The following ATP2C2 variants were observed in gnomAD, a reference collection of about 807,000 sequenced individuals.
ATP2C2 encodes the protein calcium-transporting ATPase type 2C member 2.
ATP2C2 carries 171 observed loss-of-function variants against 110.8 expected under a neutral mutation model. That is an observed-to-expected ratio of 1.54 (90% CI 1.36 to 1.75). The LOEUF (loss-of-function observed/expected upper bound fraction) is 1.75. Among genes scored for constraint, ATP2C2 ranks in the 40% most tolerant of loss-of-function variants. The pLI, the probability that ATP2C2 is intolerant of heterozygous loss-of-function variation, is 0.00. For synonymous variants in ATP2C2, 804 were observed against 508.4 expected, an observed-to-expected ratio of 1.58 and a Z score of -7.82; for missense variants, 1,963 against 1,235.0, an observed-to-expected ratio of 1.59 and a Z score of -8.84.
intron 16 of ATP2C2, among the ~76,000 whole-genome samples, chr16:84,446,671 G>A (rs1027209727): frequency 6.6e-6 from 1 of 152,144 alleles, no homozygotes; most frequent in East Asian, 1.9e-4. Flanking sequence ...TTGTTACCAC[G>A]CGAGACTTTA....
At chr16:84,385,472 T>C (rs9630649) in intron 1 of ATP2C2, among the ~76,000 whole-genome samples, 27,701 of 152,018 alleles carry the variant, frequency 0.18, 2,690 homozygotes, top group South Asian at 0.29. Flanking sequence ...CATCATTCTC[T>C]CTCATTTAAC....
In ATP2C2 at chr16:84,447,987, A is replaced by G. The variant is rs570334172; in HGVS notation, c.1504-546A>G. ...TGTCCGGTATTGAGGCTAGGGGTACAGTGTGACTCTCACTGACCCAGGGCC... is the reference window on the plus strand; with the variant it reads ...TGTCCGGTATTGAGGCTAGGGGTACGGTGTGACTCTCACTGACCCAGGGCC... On this transcript the variant is annotated intron_variant, in intron 16 of 26. Transcript: ENST00000262429. Among the ~76,000 whole-genome samples, 7 of 152,156 alleles carry G rather than the reference A, an allele frequency of 4.6e-5. No homozygotes were observed. In the South Asian group the frequency reaches 1.4e-3, roughly 32 times the overall value.
chr16:84,399,839 C>T (rs927590498), intron 2 of ATP2C2, among the ~76,000 whole-genome samples: 1 of 152,166 alleles, frequency 6.6e-6, no homozygotes, highest in African/African-American at 2.4e-5. Context: ...CCCTGTCATG[C>T]CAGCAAATAC....
At chr16:84,412,074 A>C (rs1040952330) in intron 6 of ATP2C2, among the ~76,000 whole-genome samples, 1 of 151,074 alleles carries the variant, frequency 6.6e-6, no homozygotes, top group Non-Finnish European at 1.5e-5. Context: ...CAGTGGCAGG[A>C]TCTCGGCTCA....
Position 84,415,553 on chromosome 16 carries a change from A to G in ATP2C2, c.586A>G (p.Ile196Val). The G allele has an allele frequency of 2.5e-6, 4 of 1,614,102 alleles. No homozygotes were observed. The highest frequency in any genetic ancestry group is 2.5e-6 in the Non-Finnish European group (3 of 1,180,000). Residue 196 changes from isoleucine to valine, a missense_variant, in exon 7 of 27, where the codon ATC (isoleucine) becomes GTC (valine). Ile to Val is a conservative substitution (Grantham distance 29, BLOSUM62 3). Transcript: ENST00000262429. ...LVPGDVVSLS[I>V]GDRIPADIRL... is the part of the protein sequence containing the mutation. ...TCCTGGTGATGTCGTATCTCTCTCG[A>G]TCGGAGACCGGATCCCTGCAGACAT... is the stretch of plus-strand genomic sequence containing the variant.
At chr16:84,417,741 A>C (rs1277004682) in intron 7 of ATP2C2, among the ~76,000 whole-genome samples, 1 of 152,192 alleles carries the variant, frequency 6.6e-6, no homozygotes, top group Non-Finnish European at 1.5e-5. Flanking sequence ...AAACTATTGT[A>C]CCTGTGTATT....
At chr16:84,403,981 A>C (rs1428658977) in intron 2 of ATP2C2, among the ~76,000 whole-genome samples, 2 of 152,186 alleles carry the variant, frequency 1.3e-5, no homozygotes, top group Non-Finnish European at 1.5e-5. Context: ...CTGAGCCACC[A>C]AGCCCTACCA....
intron 1 of ATP2C2, among the ~76,000 whole-genome samples, chr16:84,396,775 A>G (rs1466013650): frequency 6.6e-6 from 1 of 151,814 alleles, no homozygotes; most frequent in Non-Finnish European, 1.5e-5. Context: ...AAGTAACTCT[A>G]CAAAGAATGC....
At chr16:84,395,010 C>G (rs1397728731) in intron 1 of ATP2C2, among the ~76,000 whole-genome samples, 1 of 152,102 alleles carries the variant, frequency 6.6e-6, no homozygotes, top group African/African-American at 2.4e-5. Flanking sequence ...TGAGTTGATG[C>G]TCCACTGTCT....
rs1201087218 is a variant in ATP2C2, at chr16:84,462,058, T to G, written c.2651T>G (p.Leu884Arg). Residue 884 changes from leucine to arginine, a missense_variant, in exon 26 of 27, where the codon CTG (leucine) becomes CGG (arginine). Leu to Arg is a moderately radical substitution (Grantham distance 102, BLOSUM62 -2). Transcript: ENST00000262429. ...CTCTACTCCGTCCTGGGGTCCATCC[T>G]GGGGCAGCTGGCGGTCATTTACATC... ...MFLYSVLGSILGQLAVIYIPP... is the reference protein window; with the variant it reads ...MFLYSVLGSIRGQLAVIYIPP... 1 of 1,614,066 alleles carries G rather than the reference T, an allele frequency of 6.2e-7. No individual in the cohort carries two copies. Among genetic ancestry groups the G allele is most frequent in the South Asian group, 1.1e-5 (1 of 91,080 alleles).
intron 7 of ATP2C2, among the ~76,000 whole-genome samples, chr16:84,420,468 CTTTCTTTTTTT>C (rs1433404304): frequency 2.6e-5 from 3 of 117,090 alleles, no homozygotes; most frequent in Non-Finnish European, 5.6e-5. Context: ...CTCTCCCTTT[CTTTCTTTTTTT>C]TTTTTTTTTA....
chr16:84,440,380 T>TG (rs2150567743), intron 13 of ATP2C2, among the ~76,000 whole-genome samples: 1 of 152,340 alleles, frequency 6.6e-6, no homozygotes, highest in South Asian at 2.1e-4. Context: ...GGTGAACAGG[T>TG]GATGGTCCAT....
chr16:84,413,166 C>A (rs577873576), intron 6 of ATP2C2, among the ~76,000 whole-genome samples: 1 of 151,764 alleles, frequency 6.6e-6, no homozygotes, highest in African/African-American at 2.4e-5. Flanking sequence ...CCCTCTGAGT[C>A]TCCAAGACCC....
At chr16:84,455,613 G>T (rs1316839173) in intron 21 of ATP2C2, among the ~76,000 whole-genome samples, 1 of 151,956 alleles carries the variant, frequency 6.6e-6, no homozygotes. Context: ...TAATCGCAGT[G>T]GTTAGTTGGG....
intron 1 of ATP2C2, among the ~76,000 whole-genome samples, chr16:84,396,329 T>C (rs992530377): frequency 2.0e-5 from 3 of 151,900 alleles, no homozygotes; most frequent in African/African-American, 7.3e-5. Flanking sequence ...GCAGATCACC[T>C]GAGGTCAGAA....
intron 11 of ATP2C2, among the ~76,000 whole-genome samples, chr16:84,433,137 T>C (rs1401996398): frequency 6.6e-6 from 1 of 152,120 alleles, no homozygotes; most frequent in Non-Finnish European, 1.5e-5. Context: ...CCTAGCACTT[T>C]GGGAGGCTGA....
At chr16:84,442,351 T>C (rs151076963) in intron 14 of ATP2C2, among the ~76,000 whole-genome samples, 159 bp from the exon 15 acceptor site, 2 of 152,234 alleles carry the variant, frequency 1.3e-5, no homozygotes, top group East Asian at 1.9e-4. Flanking sequence ...AGCCAAGAAA[T>C]AGTCACGATG....
chr16:84,461,943 G>T, intron 25 of ATP2C2, 45 bp from the exon 26 acceptor site: 2 of 1,608,494 alleles, frequency 1.2e-6, no homozygotes, highest in Non-Finnish European at 1.7e-6. Flanking sequence ...CCTGTACCTG[G>T]GGTGTGGACA....
intron 1 of ATP2C2, among the ~76,000 whole-genome samples, 169 bp from the exon 2 acceptor site, chr16:84,398,330 C>T (rs560432955): frequency 1.1e-4 from 16 of 151,956 alleles, no homozygotes; most frequent in East Asian, 5.8e-4. Context: ...CTCTTGAACC[C>T]GGTAAGTGGA....
Sources: allele counts gnomAD v4.1 joint callset (sites outside exome capture counted in the v4.1 genomes callset), GRCh38; gene constraint gnomAD v4.1.1; transcripts MANE v1.5; gene names NCBI Gene and HGNC (gene_info 2026-07-23, HGNC 2026-07-21).